Variants in ATIC observed in about 807,000 individuals in gnomAD.
ATIC encodes the protein 5-aminoimidazole-4-carboxamide ribonucleotide formyltransferase/IMP cyclohydrolase, also known as bifunctional purine biosynthesis protein ATIC.
ATIC carries 64 observed loss-of-function variants against 72.5 expected under a neutral mutation model. That is an observed-to-expected ratio of 0.88 (90% CI 0.72 to 1.09). The LOEUF (loss-of-function observed/expected upper bound fraction) is 1.09, where lower values mean the gene tolerates loss of function less well. ATIC is among the 50% of genes least tolerant of loss of function. The pLI, the probability that ATIC is intolerant of heterozygous loss-of-function variation, is 0.00. For synonymous variants in ATIC, 281 were observed against 267.1 expected, an observed-to-expected ratio of 1.05 and a Z score of -0.51; for missense variants, 787 against 732.4, an observed-to-expected ratio of 1.07 and a Z score of -0.86.
In ATIC at chr2:215,333,466, CAT is replaced by C. The variant is rs779345676; in HGVS notation, c.922+11_922+12del. ...ATATGCAAGAGCAAGAGGTCAGACT[CAT>C]AGGGCTTTTTGATTTGGGGGAGAAA... On this transcript the variant is annotated intron_variant, in intron 9 of 15. Transcript: ENST00000236959. 1 of 1,608,444 alleles carries C rather than the reference CAT, an allele frequency of 6.2e-7. No homozygotes were observed. Among genetic ancestry groups the C allele is most frequent in the South Asian group, 1.1e-5 (1 of 90,694 alleles).
Position 215,316,664 on chromosome 2 carries a change from A to G in ATIC, c.147-1493A>G, listed in dbSNP as rs113887011. Among the ~76,000 whole-genome samples, 135 of 152,368 alleles carry G rather than the reference A, an allele frequency of 8.9e-4. 1 individual carries two copies. The highest frequency in any genetic ancestry group is 3.1e-3 in the African/African-American group (130 of 41,596). On this transcript the variant is annotated intron_variant, in intron 2 of 15. Transcript: ENST00000236959. The stretch of plus-strand genomic sequence containing the variant: ...AATGGATTGTAATTCTTAACATGCT[A>G]GTATATTTTTCTTCAAGCATTTTTA...
chr2:215,323,694 A>C (rs1023043183), intron 4 of ATIC, among the ~76,000 whole-genome samples: 1 of 152,060 alleles, frequency 6.6e-6, no homozygotes, highest in Non-Finnish European at 1.5e-5. Context: ...GATGCCTTTT[A>C]TTTTCTTTTC....
chr2:215,358,707 TA>T, the ATIC span, among the ~76,000 whole-genome samples: 1 of 152,276 alleles, frequency 6.6e-6, no homozygotes, highest in Non-Finnish European at 1.5e-5. Flanking sequence ...GCTATTCGTT[TA>T]CTTCATAAAT....
chr2:215,353,007 G>A (rs2053142233), downstream of ATIC, among the ~76,000 whole-genome samples: 8 of 152,180 alleles, frequency 5.3e-5, no homozygotes, highest in Admixed American at 5.2e-4. Flanking sequence ...TTAGAAAAAG[G>A]TTTTGAGACT....
At chr2:215,335,810 C>A (rs148474509) in intron 10 of ATIC, among the ~76,000 whole-genome samples, 1 of 152,166 alleles carries the variant, frequency 6.6e-6, no homozygotes, top group African/African-American at 2.4e-5. Flanking sequence ...TTAGTTTAAA[C>A]TGAAACGAAC....
Position 215,318,342 on chromosome 2 carries a change from A to G in ATIC, c.223+109A>G, listed in dbSNP as rs548232749. Reference sequence around the variant, plus strand: ...AAAAAGGCTCAAGAGAAATTTACATATAAAGTTAATGTTATGAAGTTGCTG... The same window carrying G: ...AAAAAGGCTCAAGAGAAATTTACATGTAAAGTTAATGTTATGAAGTTGCTG... On this transcript the variant is annotated intron_variant, in intron 3 of 15. Transcript: ENST00000236959. 505 of 1,060,638 alleles carry G rather than the reference A, an allele frequency of 4.8e-4. 1 individual carries two copies. The African/African-American group carries it at 7.0e-3, about 15-fold the overall frequency. 65.7% of individuals were successfully genotyped at this position (1,060,638 alleles called of 1,614,324 possible).
Position 215,349,667 on chromosome 2 carries a change from AC to A in ATIC, c.*13del. On this transcript the variant is annotated 3_prime_UTR_variant, in exon 16 of 16. Transcript: ENST00000236959. ...TCTTCCACCACTGATTTTACCACAC[AC>A]TGTTTTTTGGCTTGCTTATGTGTAG... 6.2e-7 allele frequency: 1 copy of A among 1,613,996 alleles called. No individual in the cohort carries two copies. Among genetic ancestry groups the A allele is most frequent in the Non-Finnish European group, 8.5e-7 (1 of 1,180,006 alleles).
chr2:215,336,504 A>C (rs1020923987), intron 11 of ATIC, among the ~76,000 whole-genome samples: 1 of 152,260 alleles, frequency 6.6e-6, no homozygotes, highest in Non-Finnish European at 1.5e-5. Flanking sequence ...AATAATAGTA[A>C]CAATATTTAA....
intron 7 of ATIC, among the ~76,000 whole-genome samples, chr2:215,327,866 T>G (rs1453384426): frequency 6.7e-6 from 1 of 149,272 alleles, no homozygotes; most frequent in Non-Finnish European, 1.5e-5. Flanking sequence ...GTTTGCCGCG[T>G]TCTATTGTTC....
chr2:215,312,304 CGCAGCCTGCGTGGGGCCCGCCTTAGA>C (rs1559263879), intron 1 of ATIC, 143 bp downstream of exon 1: 2 of 1,448,928 alleles, frequency 1.4e-6, no homozygotes, highest in Non-Finnish European at 1.8e-6. Context: ...CCGGCCGGGC[CGCAGCCTGCGTGGGGCCCGCCTTAGA>C]GCAGCTCGCG....
In ATIC at chr2:215,346,795, C is replaced by T. The variant is rs1325370089; in HGVS notation, c.1357C>T (p.His453Tyr). The change falls in exon 14 of 16, where the codon CAC (histidine) becomes TAC (tyrosine). Residue 453 changes from histidine to tyrosine, a missense_variant. By Grantham distance (83) the His-to-Tyr change is moderately conservative. Coordinates refer to ENST00000236959, the MANE Select transcript of ATIC (RefSeq NM_004044.7). Reference protein sequence around the residue: ...GIGAGQQSRIHCTRLAGDKAN... With the variant: ...GIGAGQQSRIYCTRLAGDKAN... ...TGGAGCAGGACAGCAGTCTCGTATA[C>T]ACTGCACTCGCCTTGCAGGAGATAA... The T allele has an allele frequency of 1.9e-6, 3 of 1,614,182 alleles. No homozygotes were observed. Among genetic ancestry groups the T allele is most frequent in the Non-Finnish European group, 1.7e-6 (2 of 1,180,032 alleles).
At chr2:215,361,638 G>A in the ATIC span, 35 of 1,603,038 alleles carry the variant, frequency 2.2e-5, no homozygotes, top group Non-Finnish European at 2.9e-5. Flanking sequence ...TGTTAAAAAG[G>A]AAGAAGGAAA....
chr2:215,337,516 A>T (rs1007512021), intron 11 of ATIC, among the ~76,000 whole-genome samples: 1 of 152,084 alleles, frequency 6.6e-6, no homozygotes, highest in Admixed American at 6.6e-5. Context: ...ACAGGCATGT[A>T]CTACCAGGCC....
chr2:215,321,177 T>C (rs1371623342), intron 4 of ATIC, among the ~76,000 whole-genome samples: 1 of 152,234 alleles, frequency 6.6e-6, no homozygotes, highest in Admixed American at 6.5e-5. Context: ...AACCACCAAT[T>C]GTTACGTGTC....
intron 2 of ATIC, among the ~76,000 whole-genome samples, chr2:215,315,155 T>C (rs943841552): frequency 2.0e-5 from 3 of 152,176 alleles, no homozygotes; most frequent in Admixed American, 2.0e-4. Context: ...GACCTACTAA[T>C]GGGCAAGGAG....
chr2:215,348,968 AT>A (rs1273556839), intron 14 of ATIC, 125 bp from the exon 15 acceptor site: 1,118 of 728,136 alleles, frequency 1.5e-3, no homozygotes, highest in Non-Finnish European at 1.6e-3. Context: ...AAAAAAAAAA[AT>A]AATAATAATA....
At chr2:215,330,955 CT>C (rs1280223114) in intron 7 of ATIC, among the ~76,000 whole-genome samples, 3 of 152,092 alleles carry the variant, frequency 2.0e-5, no homozygotes, top group South Asian at 4.1e-4. Context: ...TCTTCCACAT[CT>C]TTTTGTGGGT....
At chr2:215,332,949 A>G (rs916665250) in intron 8 of ATIC, among the ~76,000 whole-genome samples, 4 of 152,220 alleles carry the variant, frequency 2.6e-5, no homozygotes, top group African/African-American at 4.8e-5. Context: ...TCTTGCTGAC[A>G]GTCCTCCAGC....
At chr2:215,346,103 C>G (rs1370688435) in intron 13 of ATIC, among the ~76,000 whole-genome samples, 1 of 152,142 alleles carries the variant, frequency 6.6e-6, no homozygotes. Flanking sequence ...TACACTGGGG[C>G]AAACAAAAGA....
Sources: gnomAD v4.1 joint callset for allele counts (sites outside exome capture counted in the v4.1 genomes callset) on GRCh38, gnomAD v4.1.1 for gene constraint, MANE v1.5 for transcripts, NCBI Gene and HGNC (gene_info 2026-07-23, HGNC 2026-07-21) for gene names.